RBM47: variants seen among roughly 807,000 people sequenced by gnomAD.
RBM47 encodes the protein RNA binding motif protein 47, also known as RNA-binding protein 47.
RBM47 carries 21 observed loss-of-function variants against 47.1 expected under a neutral mutation model. That is an observed-to-expected ratio of 0.45 (90% confidence interval 0.32 to 0.64). The LOEUF (loss-of-function observed/expected upper bound fraction) is 0.64, where lower values mean the gene tolerates loss of function less well. Among genes scored for constraint, RBM47 ranks in the 30% least tolerant of loss-of-function variants. The pLI is 0.05. For synonymous variants in RBM47, 375 were observed against 361.7 expected (o/e 1.04, Z -0.42); for missense variants, 708 against 870.9 (o/e 0.81, Z 2.35).
intron 1 of RBM47, among the ~76,000 whole-genome samples, chr4:40,601,248 T>G (rs1397873094): frequency 1.3e-5 from 2 of 152,312 alleles, no homozygotes; most frequent in African/African-American, 4.8e-5. Context: ...CTTGCTCAAC[T>G]GTAAAATAGA....
intron 1 of RBM47, among the ~76,000 whole-genome samples, chr4:40,597,765 T>A (rs186179983): frequency 4.0e-4 from 61 of 152,292 alleles, no homozygotes; most frequent in Non-Finnish European, 6.3e-4. Flanking sequence ...TAAAAGGCAT[T>A]AAATAAATAA....
At chr4:40,489,368 T>C (rs568891703) in intron 2 of RBM47, among the ~76,000 whole-genome samples, 1 of 151,856 alleles carries the variant, frequency 6.6e-6, no homozygotes, top group African/African-American at 2.4e-5. Context: ...AAAAACAAAA[T>C]AAAAGTTAAT....
intron 3 of RBM47, among the ~76,000 whole-genome samples, chr4:40,440,640 A>G (rs917462823): frequency 2.6e-5 from 4 of 152,220 alleles, no homozygotes; most frequent in Non-Finnish European, 5.9e-5. Context: ...GCGGCAGTAC[A>G]GTTTAGCAGG....
intron 1 of RBM47, among the ~76,000 whole-genome samples, chr4:40,581,344 T>C (rs1362143204): frequency 6.6e-6 from 1 of 151,332 alleles, no homozygotes; most frequent in African/African-American, 2.4e-5. Flanking sequence ...ATCCCTTGAG[T>C]CCGGGAAGCA....
intron 1 of RBM47, among the ~76,000 whole-genome samples, chr4:40,627,725 G>C (rs1361229949): frequency 3.3e-5 from 5 of 152,178 alleles, no homozygotes; most frequent in Non-Finnish European, 7.3e-5. Flanking sequence ...ACACTAGTTA[G>C]AGCAAGTCTA....
chr4:40,621,007 CA>C (rs11297434), intron 1 of RBM47, among the ~76,000 whole-genome samples: 52,292 of 143,904 alleles, frequency 0.36, 9,395 homozygotes, highest in African/African-American at 0.47. Flanking sequence ...AGGAAACAAA[CA>C]AAAAAAAAAA....
At chr4:40,512,470 C>T (rs1218392139) in intron 2 of RBM47, among the ~76,000 whole-genome samples, 1 of 139,642 alleles carries the variant, frequency 7.2e-6, no homozygotes, top group Non-Finnish European at 1.5e-5. Flanking sequence ...AATCCCAGCA[C>T]TTTGGGAGGC....
At chr4:40,554,951 T>C (rs1729936581) in intron 1 of RBM47, among the ~76,000 whole-genome samples, 1 of 152,088 alleles carries the variant, frequency 6.6e-6, no homozygotes, top group Non-Finnish European at 1.5e-5. Flanking sequence ...TGTTTTGTTT[T>C]TGAGACGTAG....
At chr4:40,547,541 C>A (rs1023102136) in intron 1 of RBM47, among the ~76,000 whole-genome samples, 1 of 152,136 alleles carries the variant, frequency 6.6e-6, no homozygotes, top group Non-Finnish European at 1.5e-5. Context: ...GCTGTTAAAG[C>A]CACTTGGTCC....
chr4:40,601,863 A>G (rs1487929229), intron 1 of RBM47, among the ~76,000 whole-genome samples: 3 of 152,194 alleles, frequency 2.0e-5, no homozygotes, highest in Non-Finnish European at 4.4e-5. Flanking sequence ...CCTTCAATTT[A>G]GGGGAAATTA....
chr4:40,482,732 A>G (rs1483629801), intron 2 of RBM47, among the ~76,000 whole-genome samples: 6 of 152,256 alleles, frequency 3.9e-5, no homozygotes, highest in Non-Finnish European at 8.8e-5. Flanking sequence ...TAAACCTTAG[A>G]CATATTTTAT....
intron 3 of RBM47, among the ~76,000 whole-genome samples, chr4:40,447,587 T>C (rs1714723123): frequency 6.6e-6 from 1 of 152,240 alleles, no homozygotes; most frequent in South Asian, 2.1e-4. Context: ...CTAGAATTAA[T>C]AAGACTACCG....
chr4:40,517,871 A>AG (rs1427167149), intron 2 of RBM47, among the ~76,000 whole-genome samples: 25 of 152,286 alleles, frequency 1.6e-4, no homozygotes, highest in African/African-American at 5.5e-4. Flanking sequence ...GATGACTCAA[A>AG]GTATATGGGA....
rs139529065 is a variant in RBM47 at position 40,594,756 on chromosome 4, CCTGA to C, written c.-240+34636_-240+34639del. On this transcript the variant is annotated intron_variant, in intron 1 of 6. Transcript: ENST00000295971. ...CCGGCCACCTCCTTCAAGAAGCCCT[CCTGA>C]CTGTCTCCCTCCTTTCCACTCCAAT... Among the ~76,000 whole-genome samples, 1,177 of 152,332 alleles carry C rather than the reference CCTGA, an allele frequency of 7.7e-3. 13 individuals are homozygous for C. Among genetic ancestry groups the C allele is most frequent in the African/African-American group, 0.027 (1,105 of 41,578 alleles).
chr4:40,536,704 T>G (rs912189198), intron 2 of RBM47, among the ~76,000 whole-genome samples: 8 of 119,012 alleles, frequency 6.7e-5, no homozygotes, highest in African/African-American at 3.8e-4. Context: ...CAGTTTTTGG[T>G]GTGTGTGTGT....
chr4:40,585,508 A>G (rs1211516585), intron 1 of RBM47, among the ~76,000 whole-genome samples: 1 of 152,222 alleles, frequency 6.6e-6, no homozygotes, highest in Non-Finnish European at 1.5e-5. Context: ...GTGTAAAGAA[A>G]AAGCACGTAC....
At chr4:40,609,877 C>G (rs193093745) in intron 1 of RBM47, among the ~76,000 whole-genome samples, 1 of 150,940 alleles carries the variant, frequency 6.6e-6, no homozygotes, top group Non-Finnish European at 1.5e-5. Flanking sequence ...GGCAGATCAC[C>G]TGAGGTCAGG....
intron 1 of RBM47, among the ~76,000 whole-genome samples, chr4:40,597,754 G>A (rs1190467502): frequency 6.6e-6 from 1 of 152,146 alleles, no homozygotes; most frequent in Non-Finnish European, 1.5e-5. Context: ...GATTATGTTA[G>A]TAAAAGGCAT....
At chr4:40,536,803 A>G (rs1272746961) in intron 2 of RBM47, among the ~76,000 whole-genome samples, 3 of 151,584 alleles carry the variant, frequency 2.0e-5, no homozygotes, top group South Asian at 2.1e-4. Flanking sequence ...TCAGCTCACT[A>G]TAACTTCTGC....
Sources: allele counts gnomAD v4.1 joint callset (sites outside exome capture counted in the v4.1 genomes callset), GRCh38; gene constraint gnomAD v4.1.1; transcripts MANE v1.5; gene names NCBI Gene and HGNC (gene_info 2026-07-23, HGNC 2026-07-21).